Variants in PKD1L1 observed in about 807,000 individuals in gnomAD.
PKD1L1 encodes polycystin 1 like 1, transient receptor potential channel interacting.
Under a neutral mutation model 323.4 loss-of-function variants are expected in PKD1L1, and 236 were observed. That is an observed-to-expected ratio of 0.73 (90% CI 0.66 to 0.81). PKD1L1 has a LOEUF of 0.81. Among genes scored for constraint, PKD1L1 ranks in the 40% least tolerant of loss-of-function variants. The pLI, the probability that PKD1L1 is intolerant of heterozygous loss-of-function variation, is 0.00. For synonymous variants in PKD1L1, 1,344 were observed against 1,335.0 expected (o/e 1.01, Z -0.15); for missense variants, 3,320 against 3,508.0 (o/e 0.95, Z 1.35).
In PKD1L1 at chr7:47,937,260, G is replaced by T. The variant is rs1195287696; in HGVS notation, c.286-302C>A. Reference sequence around the variant, plus strand: ...TGCGGGGTCGGGACGGGGTGGGGGTGGGGGGGGGGGGCGCGGTGCTTTTTT... The same window carrying T: ...TGCGGGGTCGGGACGGGGTGGGGGTTGGGGGGGGGGGCGCGGTGCTTTTTT... On this transcript the variant is annotated intron_variant, in intron 3 of 56. Coordinates refer to ENST00000289672, the MANE Select transcript of PKD1L1 (RefSeq NM_138295.5). Among the ~76,000 whole-genome samples, 18 of 2,144 alleles carry T rather than the reference G, an allele frequency of 8.4e-3. No homozygotes were observed. The South Asian group carries it at 0.15, about 18-fold the overall frequency. 1.4% of individuals were successfully genotyped at this position (2,144 alleles called of 152,430 possible). A position where few individuals can be genotyped will look rare whatever the true frequency, so the allele number is the denominator to read the frequency against.
Position 47,931,192 on chromosome 7 carries a change from T to G in PKD1L1, c.649A>C (p.Thr217Pro), listed in dbSNP as rs1583683929. Residue 217 changes from threonine to proline, a missense_variant, in exon 6 of 57, where the codon ACC (threonine) becomes CCC (proline). By Grantham distance (38) the Thr-to-Pro change is conservative (BLOSUM62 -1). Coordinates refer to ENST00000289672, the MANE Select transcript of PKD1L1 (RefSeq NM_138295.5). ...GTGGGTCTGGCCACCTTGGTGGGGG[T>G]CTCCATCGTGACAGTCCCAGGAAGC... ...GLLPGTVTMETPTKVARPTQT... is the reference protein window; with the variant it reads ...GLLPGTVTMEPPTKVARPTQT... The G allele has an allele frequency of 6.2e-7, 1 of 1,613,826 alleles. No homozygotes were observed. Among genetic ancestry groups the G allele is most frequent in the Non-Finnish European group, 8.5e-7 (1 of 1,179,972 alleles).
At chr7:47,938,491 G>A (rs1787914115) in intron 3 of PKD1L1, among the ~76,000 whole-genome samples, 2 of 152,194 alleles carry the variant, frequency 1.3e-5, no homozygotes, top group Non-Finnish European at 1.5e-5. Context: ...TGGTGCTAGT[G>A]AGCAGCATGG....
intron 12 of PKD1L1, among the ~76,000 whole-genome samples, chr7:47,903,075 G>A (rs1020629696): frequency 1.3e-5 from 2 of 152,190 alleles, no homozygotes; most frequent in Admixed American, 1.3e-4. Flanking sequence ...GACAGTTGGA[G>A]GTGAGAGCTG....
At chr7:47,814,353 C>A (rs1225677192) in intron 47 of PKD1L1, among the ~76,000 whole-genome samples, 4 of 152,104 alleles carry the variant, frequency 2.6e-5, no homozygotes, top group African/African-American at 9.7e-5. Flanking sequence ...TATAAATAAA[C>A]TGCTCAAGGA....
At chr7:47,778,635 T>C (rs948574870) in intron 56 of PKD1L1, among the ~76,000 whole-genome samples, 2 of 150,994 alleles carry the variant, frequency 1.3e-5, no homozygotes, top group Non-Finnish European at 3.0e-5. Flanking sequence ...AAGTCTAGTA[T>C]AGAGATAAGG....
At chr7:47,920,578 A>C (rs1373865334) in intron 7 of PKD1L1, among the ~76,000 whole-genome samples, 1 of 152,220 alleles carries the variant, frequency 6.6e-6, no homozygotes, top group Non-Finnish European at 1.5e-5. Flanking sequence ...GAGGCTGTAC[A>C]TCCAAAGAAA....
At chr7:47,775,572 G>A (rs1446948925) in intron 56 of PKD1L1, among the ~76,000 whole-genome samples, 2 of 152,024 alleles carry the variant, frequency 1.3e-5, no homozygotes, top group Non-Finnish European at 2.9e-5. Flanking sequence ...AAATTAGAAA[G>A]TATTTTTATC....
intron 6 of PKD1L1, among the ~76,000 whole-genome samples, chr7:47,929,829 C>T (rs889064113): frequency 3.3e-5 from 5 of 152,334 alleles, no homozygotes; most frequent in Admixed American, 2.0e-4. Flanking sequence ...GGAGTCACTG[C>T]TCTAGCTACA....
chr7:47,878,547 C>A (rs1562969526), intron 21 of PKD1L1, among the ~76,000 whole-genome samples: 1 of 152,162 alleles, frequency 6.6e-6, no homozygotes, highest in Non-Finnish European at 1.5e-5. Flanking sequence ...ATTTAACAGT[C>A]ACATTAACCA....
At position 47,866,330 on chromosome 7, in the gene PKD1L1, T is replaced by A. The variant is rs1283477032; in HGVS notation, c.4092+89A>T. 4 of 1,397,332 alleles carry A rather than the reference T, an allele frequency of 2.9e-6. No individual in the cohort carries two copies. The African/African-American group carries it at 5.8e-5, about 20-fold the overall frequency. The allele number at this position is 1,397,332 out of a possible 1,614,324, so 86.6% of individuals were successfully genotyped here. A position where few individuals can be genotyped will look rare whatever the true frequency, so the allele number is the denominator to read the frequency against. On this transcript the variant is annotated intron_variant, in intron 25 of 56. Coordinates refer to ENST00000289672, the MANE Select transcript of PKD1L1 (RefSeq NM_138295.5). Reference sequence around the variant, plus strand: ...ATTTCTTGCCTGTGTTTCATAAGCATGACCACTTGCTAGTGAGCCAGCCAG... The same window carrying A: ...ATTTCTTGCCTGTGTTTCATAAGCAAGACCACTTGCTAGTGAGCCAGCCAG...
chr7:47,778,382 C>T (rs1264286532), intron 56 of PKD1L1, among the ~76,000 whole-genome samples: 2 of 152,068 alleles, frequency 1.3e-5, no homozygotes, highest in African/African-American at 2.4e-5. Flanking sequence ...TATGGCTCAA[C>T]ATCAGAAGGG....
At chr7:47,813,504 G>A in intron 48 of PKD1L1, 1 of 709,940 alleles carries the variant, frequency 1.4e-6, no homozygotes, top group South Asian at 1.5e-5. Context: ...CAGAAGGTTG[G>A]CATCTGAGCT....
intron 28 of PKD1L1, 31 bp from the exon 29 acceptor site, chr7:47,855,296 T>C (rs1293205806): frequency 1.9e-6 from 3 of 1,545,192 alleles, no homozygotes; most frequent in Non-Finnish European, 2.7e-6. Context: ...TCAGAGCAAA[T>C]GACAGCAAGC....
chr7:47,921,238 C>CAA (rs139205889), intron 7 of PKD1L1, among the ~76,000 whole-genome samples: 12,077 of 79,308 alleles, frequency 0.15, 1,373 homozygotes, highest in African/African-American at 0.29. Context: ...AGACAATTCT[C>CAA]AAAAAAAAAA....
At position 47,803,363 on chromosome 7, in the gene PKD1L1, ACAGT is replaced by A; in HGVS notation, c.7828-23_7828-20del. The A allele has an allele frequency of 1.2e-6, 2 of 1,612,704 alleles. No homozygotes were observed. The highest frequency in any genetic ancestry group is 1.7e-6 in the Non-Finnish European group (2 of 1,179,598). On this transcript the variant is annotated intron_variant, in intron 52 of 56. Transcript: ENST00000289672. ...GAGCCCTCTGAGACAGAAGAACATA[ACAGT>A]CAGTGTGCCATGCCAGTCACTGAAA... is the stretch of plus-strand genomic sequence containing the variant.
Position 47,893,937 on chromosome 7 carries a change from G to A in PKD1L1, c.2394C>T (p.Ser798=), listed in dbSNP as rs1786879856. ...THLFFSRTTS[S]PIVLRGTQSF... ...ACTGGGTCCCTCTGAGGACAATGGG[G>A]GATGAGGTGGTCCTGGAGAAGAATA... The change falls in exon 15 of 57, where the codon TCC becomes TCT. Residue 798 remains serine, a synonymous_variant. Coordinates refer to ENST00000289672, the MANE Select transcript of PKD1L1 (RefSeq NM_138295.5). 6.2e-7 allele frequency: 1 copy of A among 1,614,102 alleles called. No individual in the cohort carries two copies.
chr7:47,807,826 T>A (rs901187049), intron 52 of PKD1L1, among the ~76,000 whole-genome samples: 3 of 152,226 alleles, frequency 2.0e-5, no homozygotes, highest in East Asian at 1.9e-4. Context: ...AGGGACCTGA[T>A]ACTCTGTGAG....
rs145656996 is a variant in PKD1L1 at position 47,808,284 on chromosome 7, G to A, written c.7790C>T (p.Ala2597Val). Residue 2597 changes from alanine to valine, a missense_variant, in exon 52 of 57, where the codon GCA (alanine) becomes GTA (valine). Ala to Val is a moderately conservative substitution (Grantham distance 64). Transcript: ENST00000289672. ...TNQFHRGLCR[A>V]FMDLTLMASW... ...TGCCATAAGGGTGAGGTCCATAAAT[G>A]CTCGGCAAAGTCCTCTGTGAAACTG... is the stretch of plus-strand genomic sequence containing the variant. 9.9e-6 allele frequency: 16 copies of A among 1,614,040 alleles called. No individual in the cohort carries two copies. Among genetic ancestry groups the A allele is most frequent in the Non-Finnish European group, 1.2e-5 (14 of 1,180,036 alleles).
At chr7:47,886,932 G>A (rs1786698435) in intron 17 of PKD1L1, among the ~76,000 whole-genome samples, 1 of 152,092 alleles carries the variant, frequency 6.6e-6, no homozygotes, top group African/African-American at 2.4e-5. Flanking sequence ...AAAATACCAT[G>A]AGCATATAAA....
Sources: gnomAD v4.1 joint callset for allele counts (sites outside exome capture counted in the v4.1 genomes callset) on GRCh38, gnomAD v4.1.1 for gene constraint, MANE v1.5 for transcripts, NCBI Gene and HGNC (gene_info 2026-07-23, HGNC 2026-07-21) for gene names.